Variants in PTPRT observed in about 807,000 individuals in gnomAD.
The protein encoded by PTPRT is receptor-type tyrosine-protein phosphatase T.
PTPRT carries 56 observed loss-of-function variants against 176.8 expected under a neutral mutation model. That is an observed-to-expected ratio of 0.32 (90% confidence interval 0.26 to 0.40). The LOEUF (loss-of-function observed/expected upper bound fraction) is 0.40. Ranked by LOEUF, PTPRT falls within the 10% of genes least tolerant of loss-of-function variation. PTPRT has a pLI of 1.00. For missense variants in PTPRT, 1,540 were observed against 1,908.2 expected, an observed-to-expected ratio of 0.81 and a Z score of 3.60; for synonymous variants, 783 against 739.0, an observed-to-expected ratio of 1.06 and a Z score of -0.96.
intron 1 of PTPRT, among the ~76,000 whole-genome samples, chr20:42,934,090 CATCGCTTAT>C (rs1980029629): frequency 6.6e-6 from 1 of 152,216 alleles, no homozygotes; most frequent in Admixed American, 6.5e-5. Flanking sequence ...ATCGAACAAG[CATCGCTTAT>C]GACTTTGCCT....
chr20:42,447,927 T>G (rs562893753), intron 9 of PTPRT, among the ~76,000 whole-genome samples: 1 of 152,318 alleles, frequency 6.6e-6, no homozygotes, highest in Admixed American at 6.5e-5. Flanking sequence ...GGGCCTTCTC[T>G]TCCACATAAG....
the PTPRT span, among the ~76,000 whole-genome samples, chr20:42,057,875 C>T: frequency 2.0e-5 from 3 of 152,222 alleles, no homozygotes; most frequent in East Asian, 3.9e-4. Flanking sequence ...CTATAAGACA[C>T]GCCCAGCCTG....
intron 13 of PTPRT, among the ~76,000 whole-genome samples, chr20:42,268,674 A>C (rs977336228): frequency 1.3e-5 from 2 of 152,216 alleles, no homozygotes; most frequent in Admixed American, 6.5e-5. Flanking sequence ...TATGATAATT[A>C]GTTTTGCACG....
chr20:42,285,673 C>T (rs764236267), intron 12 of PTPRT, among the ~76,000 whole-genome samples: 10 of 151,564 alleles, frequency 6.6e-5, no homozygotes, highest in African/African-American at 2.4e-4. Context: ...CACAGCACTG[C>T]AAGTCCTAGC....
At chr20:42,896,688 A>G (rs1157919833) in intron 1 of PTPRT, among the ~76,000 whole-genome samples, 2 of 151,956 alleles carry the variant, frequency 1.3e-5, no homozygotes, top group African/African-American at 2.4e-5. Flanking sequence ...AGAGCATTAA[A>G]CCAAGCACGG....
intron 1 of PTPRT, among the ~76,000 whole-genome samples, chr20:42,991,785 C>G (rs1301380225): frequency 6.6e-6 from 1 of 152,112 alleles, no homozygotes; most frequent in Non-Finnish European, 1.5e-5. Flanking sequence ...ATAATATAAG[C>G]ATATCTGATT....
intron 12 of PTPRT, among the ~76,000 whole-genome samples, chr20:42,301,955 G>A (rs1457568894): frequency 3.3e-5 from 5 of 152,154 alleles, no homozygotes; most frequent in East Asian, 1.9e-4. Context: ...TGTGTGAAAC[G>A]TTTCTTAGCT....
chr20:42,886,039 A>C (rs1250512891), intron 1 of PTPRT, 107 bp from the exon 2 acceptor site: 1 of 763,792 alleles, frequency 1.3e-6, no homozygotes, highest in Non-Finnish European at 1.7e-6. Flanking sequence ...TAAACTCTGG[A>C]GAAGATTTTC....
At chr20:42,877,303 G>A (rs997152510) in intron 2 of PTPRT, among the ~76,000 whole-genome samples, 1 of 152,040 alleles carries the variant, frequency 6.6e-6, no homozygotes, top group Non-Finnish European at 1.5e-5. Context: ...GAAAAGTCCT[G>A]GGCAGCAGGG....
intron 1 of PTPRT, among the ~76,000 whole-genome samples, chr20:42,952,958 T>C (rs1215407813): frequency 1.3e-5 from 2 of 152,188 alleles, no homozygotes; most frequent in Non-Finnish European, 2.9e-5. Flanking sequence ...GGATAAATAG[T>C]CCCTTTGTAG....
At chr20:43,141,407 G>A (rs1043690128) in intron 1 of PTPRT, among the ~76,000 whole-genome samples, 3 of 152,166 alleles carry the variant, frequency 2.0e-5, no homozygotes, top group Admixed American at 6.5e-5. Context: ...GGGTGACTGG[G>A]GCAACCGGGC....
chr20:42,366,628 A>C (rs2058518537), intron 9 of PTPRT, among the ~76,000 whole-genome samples: 1 of 152,222 alleles, frequency 6.6e-6, no homozygotes, highest in Admixed American at 6.5e-5. Context: ...CATCTGGAAC[A>C]CTTTGGAGAC....
At chr20:43,000,260 A>G (rs999101329) in intron 1 of PTPRT, among the ~76,000 whole-genome samples, 1 of 152,236 alleles carries the variant, frequency 6.6e-6, no homozygotes, top group African/African-American at 2.4e-5. Flanking sequence ...GGTGCCAAGG[A>G]AAACAAGTTA....
intron 1 of PTPRT, among the ~76,000 whole-genome samples, chr20:43,034,711 T>A (rs532087143): frequency 2.4e-4 from 37 of 151,610 alleles, no homozygotes; most frequent in Non-Finnish European, 5.0e-4. Flanking sequence ...TGAACACAGA[T>A]GTTAGAGGCA....
intron 1 of PTPRT, among the ~76,000 whole-genome samples, chr20:42,928,485 C>G (rs1979627132): frequency 6.6e-6 from 1 of 152,174 alleles, no homozygotes; most frequent in Admixed American, 6.5e-5. Flanking sequence ...CACCTGTCCC[C>G]TTGCCACAGA....
At chr20:42,901,408 C>T (rs2079401863) in intron 1 of PTPRT, among the ~76,000 whole-genome samples, 1 of 152,188 alleles carries the variant, frequency 6.6e-6, no homozygotes, top group Non-Finnish European at 1.5e-5. Flanking sequence ...CATACACACA[C>T]ACACACCCTT....
intron 9 of PTPRT, among the ~76,000 whole-genome samples, chr20:42,443,818 G>A (rs2059339832): frequency 6.6e-6 from 1 of 152,204 alleles, no homozygotes; most frequent in Non-Finnish European, 1.5e-5. Flanking sequence ...AGAGGCAGCT[G>A]TAACAACACT....
At chr20:43,093,076 G>C (rs747778041) in intron 1 of PTPRT, among the ~76,000 whole-genome samples, 84 of 152,296 alleles carry the variant, frequency 5.5e-4, no homozygotes, top group Non-Finnish European at 1.0e-3. Flanking sequence ...CCCAAGGAAG[G>C]TTCATTATTA....
chr20:42,173,940 T>C (rs1162271959), intron 16 of PTPRT, among the ~76,000 whole-genome samples: 3 of 152,160 alleles, frequency 2.0e-5, no homozygotes, highest in Non-Finnish European at 4.4e-5. Context: ...GGTAGAAGAA[T>C]AACCCATAAA....
Sources: gnomAD v4.1 joint callset for allele counts (sites outside exome capture counted in the v4.1 genomes callset) on GRCh38, gnomAD v4.1.1 for gene constraint, MANE v1.5 for transcripts, NCBI Gene and HGNC (gene_info 2026-07-23, HGNC 2026-07-21) for gene names.